KIF26B: variants seen among roughly 807,000 people sequenced by gnomAD.
KIF26B encodes kinesin-like protein KIF26B.
A neutral mutation model predicts 151.2 loss-of-function variants in KIF26B; 63 were observed. That is an observed-to-expected ratio of 0.42 (90% CI 0.34 to 0.51). The LOEUF (loss-of-function observed/expected upper bound fraction) is 0.51. KIF26B is among the 20% of genes least tolerant of loss of function. The probability of loss-of-function intolerance (pLI) is 0.07; values close to 1 mark genes in which losing one functional copy is unlikely to be tolerated. For missense variants in KIF26B, 2,813 were observed against 2,913.6 expected, an observed-to-expected ratio of 0.97 and a Z score of 0.79; for synonymous variants, 1,357 against 1,262.1, an observed-to-expected ratio of 1.08 and a Z score of -1.59.
At chr1:245,531,561 G>C (rs775150027) in intron 4 of KIF26B, among the ~76,000 whole-genome samples, 3 of 152,302 alleles carry the variant, frequency 2.0e-5, no homozygotes, top group Middle Eastern at 3.4e-3. Flanking sequence ...AGAATTCCAG[G>C]CTACTTAATC....
At chr1:245,506,470 T>A (rs1009955093) in intron 4 of KIF26B, among the ~76,000 whole-genome samples, 10 of 152,210 alleles carry the variant, frequency 6.6e-5, no homozygotes, top group African/African-American at 2.4e-4. Context: ...ATCGCTCTCT[T>A]AATCTGTATT....
intron 2 of KIF26B, among the ~76,000 whole-genome samples, chr1:245,308,999 A>G (rs576134490): frequency 1.3e-5 from 2 of 152,348 alleles, no homozygotes; most frequent in East Asian, 1.9e-4. Context: ...CAGTTGGCCA[A>G]GGAAGAATGG....
rs150603044 is a variant in KIF26B at position 245,161,943 on chromosome 1, T to C, written c.465+5260T>C. ...GTATGTGAGACTGTCAGGTTCTGAG[T>C]TGAGGAATTGTCTTGGCTGGAATGC... is the stretch of plus-strand genomic sequence containing the variant. On this transcript the variant is annotated intron_variant, in intron 2 of 14. Transcript: ENST00000407071. Among the ~76,000 whole-genome samples the C allele has an allele frequency of 6.8e-3, 1,042 of 152,124 alleles. 12 individuals are homozygous for C. Among genetic ancestry groups the C allele is most frequent in the African/African-American group, 0.024 (985 of 41,498 alleles).
At chr1:245,217,979 T>G (rs1284850371) in intron 2 of KIF26B, among the ~76,000 whole-genome samples, 1 of 152,172 alleles carries the variant, frequency 6.6e-6, no homozygotes, top group Non-Finnish European at 1.5e-5. Flanking sequence ...ATTCATCAAC[T>G]GCTGGTGGAA....
chr1:245,477,179 C>T (rs1251392078), intron 4 of KIF26B, among the ~76,000 whole-genome samples: 2 of 151,900 alleles, frequency 1.3e-5, no homozygotes, highest in Non-Finnish European at 2.9e-5. Flanking sequence ...GTGCTTGATG[C>T]TCCCTCTTAG....
At chr1:245,694,992 C>G (rs961052475) in intron 12 of KIF26B, among the ~76,000 whole-genome samples, 2 of 152,140 alleles carry the variant, frequency 1.3e-5, no homozygotes, top group African/African-American at 4.8e-5. Context: ...AGACAGGCGG[C>G]GTCCAATGGG....
At chr1:245,422,156 G>A (rs745397675) in intron 4 of KIF26B, among the ~76,000 whole-genome samples, 4 of 152,148 alleles carry the variant, frequency 2.6e-5, no homozygotes, top group Non-Finnish European at 5.9e-5. Context: ...TCTGTGCAGT[G>A]AACGCTGATA....
intron 5 of KIF26B, among the ~76,000 whole-genome samples, chr1:245,573,059 CAAGCAA>C (rs771164674): frequency 7.2e-5 from 11 of 152,160 alleles, no homozygotes; most frequent in Non-Finnish European, 1.3e-4. Context: ...CACGGAATAA[CAAGCAA>C]AAGCAAAAGA....
chr1:245,256,563 G>C (rs1477931857), intron 2 of KIF26B, among the ~76,000 whole-genome samples: 1 of 152,168 alleles, frequency 6.6e-6, no homozygotes, highest in Non-Finnish European at 1.5e-5. Flanking sequence ...AGACCCAGGT[G>C]GGTATAAACC....
intron 5 of KIF26B, among the ~76,000 whole-genome samples, chr1:245,544,803 A>T (rs890278153): frequency 6.6e-6 from 1 of 152,168 alleles, no homozygotes; most frequent in Non-Finnish European, 1.5e-5. Context: ...AGGAAGGGGA[A>T]TAACAGCCAA....
In KIF26B at chr1:245,425,666, A is replaced by G. The variant is rs547657808; in HGVS notation, c.1166+5921A>G. On this transcript the variant is annotated intron_variant, in intron 4 of 14. Transcript: ENST00000407071. ...ATGATCCTCCCGCCTCCGCCTCTCA[A>G]AGTGCTGGGATTACAGGCGTGAGCC... Among the ~76,000 whole-genome samples the G allele has an allele frequency of 2.0e-5, 3 of 152,334 alleles. No individual in the cohort carries two copies. The South Asian group carries it at 6.2e-4, about 32-fold the overall frequency.
At chr1:245,439,261 T>G (rs1659006164) in intron 4 of KIF26B, among the ~76,000 whole-genome samples, 1 of 149,180 alleles carries the variant, frequency 6.7e-6, no homozygotes, top group Non-Finnish European at 1.5e-5. Flanking sequence ...GTGGGAGGAT[T>G]GATTGAGCCC....
intron 2 of KIF26B, among the ~76,000 whole-genome samples, chr1:245,205,910 CT>C (rs1328766160): frequency 8.8e-6 from 1 of 113,776 alleles, no homozygotes; most frequent in Admixed American, 1.2e-4. Context: ...ATTTAAAAAA[CT>C]TTTTTTTAAA....
intron 4 of KIF26B, among the ~76,000 whole-genome samples, chr1:245,514,014 ACTGCGGGGGAGAAACATGT>A (rs1427751486): frequency 8.5e-5 from 13 of 152,178 alleles, no homozygotes; most frequent in Non-Finnish European, 2.9e-5. Context: ...CACTGGAGAC[ACTGCGGGGGAGAAACATGT>A]AAATATCGTT....
intron 4 of KIF26B, among the ~76,000 whole-genome samples, chr1:245,445,521 G>A (rs1331732862): frequency 6.6e-6 from 1 of 152,152 alleles, no homozygotes; most frequent in African/African-American, 2.4e-5. Flanking sequence ...CACGTGGGGG[G>A]GATACACATG....
chr1:245,652,462 C>G (rs914965292), intron 10 of KIF26B, among the ~76,000 whole-genome samples: 2 of 152,164 alleles, frequency 1.3e-5, no homozygotes, highest in Middle Eastern at 3.2e-3. Flanking sequence ...TTAGCATTCT[C>G]ACTTGCTTTT....
In KIF26B at chr1:245,687,649, T is replaced by G. The variant is rs1343932590; in HGVS notation, c.4666T>G (p.Tyr1556Asp). The change falls in exon 12 of 15, where the codon TAC (tyrosine) becomes GAC (aspartate). Residue 1556 changes from tyrosine to aspartate, a missense_variant. Tyr to Asp is a radical substitution (Grantham distance 160). Around this residue, in one of 3 missense-constraint regions of KIF26B, gnomAD observed 2,060 missense variants for 2,088.6 expected, o/e 0.99. Coordinates refer to ENST00000407071, the MANE Select transcript of KIF26B (RefSeq NM_018012.4). This position sits in a 1 kb window ranked among gnomAD's most constrained non-coding sequence, Gnocchi z 4.9. Reference protein sequence around the residue: ...RQEEPDSLSYYCAAETNGVGA... With the variant: ...RQEEPDSLSYDCAAETNGVGA... Reference sequence around the variant, plus strand: ...GGAGGAGCCGGACAGCCTCTCCTATTACTGCGCTGCTGAGACCAACGGGGT... The same window carrying G: ...GGAGGAGCCGGACAGCCTCTCCTATGACTGCGCTGCTGAGACCAACGGGGT... The G allele has an allele frequency of 1.8e-5, 29 of 1,572,298 alleles. No homozygotes were observed. Among genetic ancestry groups the G allele is most frequent in the Non-Finnish European group, 2.5e-5 (29 of 1,159,118 alleles).
chr1:245,235,445 T>G (rs1670086885), intron 2 of KIF26B, among the ~76,000 whole-genome samples: 1 of 151,534 alleles, frequency 6.6e-6, no homozygotes, highest in South Asian at 2.1e-4. Flanking sequence ...AAAGAAAAAT[T>G]AGCCAGGCAT....
chr1:245,640,122 G>GCTATCTCTCTCTCTCTCTCTCTCTCT (rs2043873984), intron 9 of KIF26B, among the ~76,000 whole-genome samples: 1 of 53,974 alleles, frequency 1.9e-5, no homozygotes, highest in Admixed American at 2.2e-4. Context: ...ACTAATATTT[G>GCTATCTCTCTCTCTCTCTCTCTCTCT]CTCTCTCTCT....
Sources: allele counts gnomAD v4.1 joint callset (sites outside exome capture counted in the v4.1 genomes callset), GRCh38; gene constraint gnomAD v4.1.1; regional missense constraint gnomAD v4.1.1; non-coding constraint Gnocchi (gnomAD v3.1); transcripts MANE v1.5; gene names NCBI Gene and HGNC (gene_info 2026-07-23, HGNC 2026-07-21).